Variants in GDI2 observed in about 807,000 individuals in gnomAD.
GDI2 encodes GDP dissociation inhibitor 2.
GDI2 carries 22 observed loss-of-function variants against 54.2 expected under a neutral mutation model. That is an observed-to-expected ratio of 0.41 (90% confidence interval 0.29 to 0.58). GDI2 has a LOEUF of 0.58. Ranked by LOEUF, GDI2 falls within the 20% of genes least tolerant of loss-of-function variation. GDI2 has a pLI of 0.35. For synonymous variants in GDI2, 177 were observed against 182.1 expected (o/e 0.97, Z 0.23); for missense variants, 422 against 546.0 (o/e 0.77, Z 2.26).
At chr10:5,770,963 C>CCA (rs1554787157) in intron 7 of GDI2, among the ~76,000 whole-genome samples, 1 of 46,368 alleles carries the variant, frequency 2.2e-5, no homozygotes, top group Non-Finnish European at 3.8e-5. Flanking sequence ...GAGACTGTCT[C>CCA]AAAAAAAAAA....
chr10:5,773,811 A>T, intron 7 of GDI2, 31 bp downstream of exon 7: 3 of 897,020 alleles, frequency 3.3e-6, no homozygotes, highest in Non-Finnish European at 5.5e-6. Flanking sequence ...ACAAGAACAT[A>T]GTAATTTTTT....
intron 2 of GDI2, among the ~76,000 whole-genome samples, chr10:5,799,977 T>C (rs140534985): frequency 1.3e-5 from 2 of 152,354 alleles, no homozygotes; most frequent in East Asian, 3.9e-4. Flanking sequence ...TTACTGAATA[T>C]AGAAAAAAAT....
At chr10:5,781,316 T>C (rs1020728645) in intron 6 of GDI2, among the ~76,000 whole-genome samples, 1 of 149,434 alleles carries the variant, frequency 6.7e-6, no homozygotes, top group African/African-American at 2.5e-5. Context: ...TTCTGTGCCC[T>C]TGGGGGCAAG....
Position 5,776,730 on chromosome 10 carries a change from G to C in GDI2, c.720-2789C>G, listed in dbSNP as rs1326807574. ...GAAACTGCTACAGCCTCTTTAACCT[G>C]GCAGAAGTTTGCAGCAAATACCAGG... On this transcript the variant is annotated intron_variant, in intron 6 of 10. Transcript: ENST00000380191. The surrounding 1 kb of genome is among the most constrained non-coding windows in gnomAD (Gnocchi z 5.3). 1.3e-6 allele frequency: 2 copies of C among 1,493,208 alleles called. No individual in the cohort carries two copies. Among genetic ancestry groups the C allele is most frequent in the African/African-American group, 2.8e-5 (2 of 72,008 alleles). The allele number at this position is 1,493,208 out of a possible 1,614,324, so 92.5% of individuals were successfully genotyped here.
intron 3 of GDI2, 31 bp downstream of exon 3, chr10:5,796,732 C>T (rs1325347916): frequency 2.0e-6 from 2 of 986,678 alleles, no homozygotes; most frequent in South Asian, 1.3e-5. Context: ...AATCAAAGTA[C>T]TGTCATAAAT....
intron 1 of GDI2, among the ~76,000 whole-genome samples, chr10:5,804,309 G>A (rs1841331176): frequency 6.6e-6 from 1 of 152,060 alleles, no homozygotes; most frequent in African/African-American, 2.4e-5. Context: ...GGCCAGGTTG[G>A]TCTTGAACTC....
At position 5,786,046 on chromosome 10, in the gene GDI2, T is replaced by C. The variant is rs1299476383; in HGVS notation, c.393A>G (p.Leu131=). ...AGCGACGTTTTTCAAACAATCCCAT[T>C]AGGCCTAAATAAAAAAGAATTTTTC... The part of the protein sequence containing the change: ...STEAEALASS[L]MGLFEKRRFR... The change falls in exon 5 of 11, where the codon CTA becomes CTG. Residue 131 remains leucine (L), a synonymous_variant. Transcript: ENST00000380191. The C allele has an allele frequency of 1.2e-6, 2 of 1,603,926 alleles. No homozygotes were observed. Among genetic ancestry groups the C allele is most frequent in the African/African-American group, 1.3e-5 (1 of 74,466 alleles).
intron 4 of GDI2, 95 bp downstream of exon 4, chr10:5,794,790 T>C (rs2131708152): frequency 1.2e-6 from 1 of 814,634 alleles, no homozygotes; most frequent in Non-Finnish European, 2.0e-6. Context: ...AATAAATATT[T>C]GTTGACTGGG....
chr10:5,766,066 T>G lies in GDI2; in HGVS notation c.1278A>C (p.Gly426=), dbSNP rs1190204806. 1 of 1,599,842 alleles carries G rather than the reference T, an allele frequency of 6.3e-7. No homozygotes were observed. Among genetic ancestry groups the G allele is most frequent in the South Asian group, 1.1e-5 (1 of 88,060 alleles). ...TCATTTCCTCAAAGTCAAACTCTGA[T>G]CCTGTCATCCTCTTATAGATGTTTT... ...DIKNIYKRMT[G]SEFDFEEMKR... is the part of the protein sequence containing the mutation. The change falls in exon 11 of 11, where the codon GGA becomes GGC. Residue 426 remains glycine, a synonymous_variant. Transcript: ENST00000380191. This position sits in a 1 kb window ranked among gnomAD's most constrained non-coding sequence, Gnocchi z 5.8.
intron 1 of GDI2, among the ~76,000 whole-genome samples, chr10:5,801,735 G>C (rs1841273553): frequency 6.6e-6 from 1 of 151,968 alleles, no homozygotes; most frequent in Admixed American, 6.6e-5. Context: ...TATTGGCCAG[G>C]CATGGTGGCT....
chr10:5,769,705 G>A (rs117200623), intron 7 of GDI2, among the ~76,000 whole-genome samples: 226 of 152,200 alleles, frequency 1.5e-3, no homozygotes, highest in Non-Finnish European at 2.0e-3. Flanking sequence ...CCTCACAACC[G>A]TTAAGATTGC....
chr10:5,765,351 T>C lies in GDI2; in HGVS notation c.*655A>G, dbSNP rs972615868. On this transcript the variant is annotated 3_prime_UTR_variant, in exon 11 of 11. Transcript: ENST00000380191. Reference sequence around the variant, plus strand: ...TCCACTGAAGAAGCCACGCCTGAGATACAAAAGATGCACTACACTTGACCC... The same window carrying C: ...TCCACTGAAGAAGCCACGCCTGAGACACAAAAGATGCACTACACTTGACCC... The C allele has an allele frequency of 6.5e-6, 1 of 152,724 alleles. No homozygotes were observed. 9.5% of individuals were successfully genotyped at this position (152,724 alleles called of 1,614,324 possible).
chr10:5,802,206 A>T (rs1354870877), intron 1 of GDI2, among the ~76,000 whole-genome samples: 3 of 152,174 alleles, frequency 2.0e-5, no homozygotes, highest in African/African-American at 7.2e-5. Context: ...ACAAACTATG[A>T]TTATTCAGAT....
chr10:5,806,418 A>AT (rs1841382916), intron 1 of GDI2, among the ~76,000 whole-genome samples: 1 of 151,130 alleles, frequency 6.6e-6, no homozygotes, highest in Non-Finnish European at 1.5e-5. Context: ...AAAAAAAAAA[A>AT]CAAAAAAACG....
At chr10:5,787,383 A>C (rs1840903408) in intron 4 of GDI2, among the ~76,000 whole-genome samples, 1 of 152,198 alleles carries the variant, frequency 6.6e-6, no homozygotes. Context: ...GCACGCCTGT[A>C]ATCCCAACTA....
In GDI2 at chr10:5,791,948, T is replaced by TA. The variant is rs200440755; in HGVS notation, c.388+2936dup. On this transcript the variant is annotated intron_variant, in intron 4 of 10. Transcript: ENST00000380191. ...CTGAATGAGCAGAAAACATCTGGGA[T>TA]ACTGTCTCTGGTCTGGCTGCCATAT... Among the ~76,000 whole-genome samples, 768 of 152,136 alleles carry TA rather than the reference T, an allele frequency of 5.0e-3. 7 individuals are homozygous for TA. The highest frequency in any genetic ancestry group is 0.018 in the African/African-American group (739 of 41,518).
intron 6 of GDI2, among the ~76,000 whole-genome samples, chr10:5,777,326 A>AG (rs1840647114): frequency 6.6e-6 from 1 of 152,186 alleles, no homozygotes; most frequent in Non-Finnish European, 1.5e-5. Flanking sequence ...TACAAAAATT[A>AG]GCCGGGCATG....
At chr10:5,779,087 C>T (rs1840692126) in intron 6 of GDI2, among the ~76,000 whole-genome samples, 1 of 152,166 alleles carries the variant, frequency 6.6e-6, no homozygotes, top group Non-Finnish European at 1.5e-5. Flanking sequence ...ATTATAAATA[C>T]GTTCAAGGAT....
At chr10:5,808,663 GCT>G (rs1431106809) in intron 1 of GDI2, among the ~76,000 whole-genome samples, 4 of 144,658 alleles carry the variant, frequency 2.8e-5, no homozygotes, top group Admixed American at 7.1e-5. Context: ...GTAACAGAGA[GCT>G]CTGTCTCAGA....
Sources: gnomAD v4.1 joint callset for allele counts (sites outside exome capture counted in the v4.1 genomes callset) on GRCh38, gnomAD v4.1.1 for gene constraint, Gnocchi (gnomAD v3.1) non-coding constraint, MANE v1.5 for transcripts, NCBI Gene and HGNC (gene_info 2026-07-23, HGNC 2026-07-21) for gene names.